The following CSRNP1 variants were observed in gnomAD, a reference collection of about 807,000 sequenced individuals.
CSRNP1 encodes the protein cysteine/serine-rich nuclear protein 1.
Under a neutral mutation model 25.0 loss-of-function variants are expected in CSRNP1, and 8 were observed. That is an observed-to-expected ratio of 0.32 (90% CI 0.19 to 0.58). The LOEUF (loss-of-function observed/expected upper bound fraction) is 0.58. CSRNP1 is among the 20% of genes least tolerant of loss of function. The pLI is 0.88. For missense variants in CSRNP1, 691 were observed against 773.1 expected (o/e 0.89, Z 1.26); for synonymous variants, 305 against 303.1 (o/e 1.01, Z -0.06).
At chr3:39,153,724 C>G (rs1202544791), upstream of CSRNP1, 2 of 151,808 alleles carry the variant, frequency 1.3e-5, no homozygotes, top group African/African-American at 4.8e-5. Flanking sequence ...GCCTCCTCCC[C>G]CGCCTGGAGC....
chr3:39,143,816 G>T lies in CSRNP1; in HGVS notation c.1009C>A (p.Pro337Thr). 6.2e-7 allele frequency: 1 copy of T among 1,614,236 alleles called. No homozygotes were observed. The highest frequency in any genetic ancestry group is 8.5e-7 in the Non-Finnish European group (1 of 1,180,026). The change falls in exon 5 of 5, where the codon CCC becomes ACC. Residue 337 changes from proline (P) to threonine (T), a missense_variant. Physicochemically the swap from Pro to Thr is conservative, Grantham distance 38. Transcript: ENST00000273153. Reference sequence around the variant, plus strand: ...TCTCCCAGCTCATTGTTCATGGGGGGCTTGGCCAGTGGGAAAGTAGGGACC... The same window carrying T: ...TCTCCCAGCTCATTGTTCATGGGGGTCTTGGCCAGTGGGAAAGTAGGGACC... ...ALVPTFPLAK[P>T]PMNNELGDNS...
At position 39,143,933 on chromosome 3, in the gene CSRNP1, T is replaced by C. The variant is rs151312697; in HGVS notation, c.892A>G (p.Thr298Ala). 3.3e-5 allele frequency: 54 copies of C among 1,613,806 alleles called. No individual in the cohort carries two copies. The African/African-American group carries it at 4.9e-4, about 15-fold the overall frequency. The stretch of plus-strand genomic sequence containing the variant: ...GCCTCCTGTTCCAACTGCAGGCGGG[T>C]GAGTGTGTGGATGAAATGGGTCTGA... ...RVQTHFIHTL[T>A]RLQLEQEAES... The change falls in exon 5 of 5, where the codon ACC (threonine) becomes GCC (alanine). Residue 298 changes from threonine (T) to alanine (A), a missense_variant. Coordinates refer to ENST00000273153, the MANE Select transcript of CSRNP1 (RefSeq NM_033027.4).
intron 1 of CSRNP1, chr3:39,150,692 GAT>G (rs951818290): frequency 1.6e-4 from 24 of 152,348 alleles, no homozygotes; most frequent in African/African-American, 5.8e-4. Flanking sequence ...GATGGAGAGA[GAT>G]GTCAGGAAAG....
chr3:39,148,069 A>T (rs969269871), intron 1 of CSRNP1, among the ~76,000 whole-genome samples: 2 of 152,150 alleles, frequency 1.3e-5, no homozygotes, highest in African/African-American at 4.8e-5. Context: ...AATCCTGTAG[A>T]GTTTGCTGTC....
chr3:39,149,409 T>A, intron 1 of CSRNP1: 1 of 152,200 alleles, frequency 6.6e-6, no homozygotes, highest in Admixed American at 6.5e-5. Context: ...TGTCTAAAAT[T>A]GTAAAAATTC....
Position 39,144,442 on chromosome 3 carries a change from C to G in CSRNP1, c.475G>C (p.Ala159Pro). Residue 159 changes from alanine to proline, a missense_variant, in exon 4 of 5, where the codon GCT (alanine) becomes CCT (proline). Transcript: ENST00000273153. ...LEMLQWKLSA[A>P]GVPQAEAGLP... ...CCTGCCTCTGCCTGGGGTACCCCAG[C>G]TGCCGAAAGCTGCATCCACAGGAAA... 6.2e-7 allele frequency: 1 copy of G among 1,600,942 alleles called. No individual in the cohort carries two copies. The highest frequency in any genetic ancestry group is 8.5e-7 in the Non-Finnish European group (1 of 1,173,148).
Position 39,153,450 on chromosome 3 carries a change from C to T in CSRNP1, c.-53G>A, listed in dbSNP as rs984024076. On this transcript the variant is annotated 5_prime_UTR_variant, in exon 1 of 5. Transcript: ENST00000273153. Reference sequence around the variant, plus strand: ...CCTCGGCGCTCACCTGCAATCCGGACGCTCGCGGAGGACAACGACGCGACC... The same window carrying T: ...CCTCGGCGCTCACCTGCAATCCGGATGCTCGCGGAGGACAACGACGCGACC... The T allele has an allele frequency of 2.4e-5, 8 of 331,272 alleles. No homozygotes were observed. Among genetic ancestry groups the T allele is most frequent in the East Asian group, 1.6e-4 (1 of 6,084 alleles). The allele number at this position is 331,272 out of a possible 1,614,324, so 20.5% of individuals were successfully genotyped here.
chr3:39,149,453 CATTTT>C (rs1197088420), intron 1 of CSRNP1: 3 of 152,190 alleles, frequency 2.0e-5, no homozygotes, highest in African/African-American at 4.8e-5. Flanking sequence ...TATACTTACG[CATTTT>C]ATTTAGGTTA....
At chr3:39,150,528 A>G (rs2039566243) in intron 1 of CSRNP1, 1 of 152,218 alleles carries the variant, frequency 6.6e-6, no homozygotes, top group African/African-American at 2.4e-5. Context: ...GCAGGAGGAG[A>G]GTCACATGTC....
In CSRNP1 at chr3:39,146,638, G is replaced by C. The variant is rs1281121233; in HGVS notation, c.45C>G (p.Asp15Glu). 2.5e-6 allele frequency: 4 copies of C among 1,572,144 alleles called. No homozygotes were observed. The South Asian group carries it at 3.5e-5, about 14-fold the overall frequency. Residue 15 changes from aspartate (D) to glutamate (E), a missense_variant, in exon 2 of 5, where the codon GAC becomes GAG. By Grantham distance (45) the Asp-to-Glu change is conservative. Transcript: ENST00000273153. ...AGGAGGAGGAGGAGACCGAGGAGTTGTCCTCATCCAGCTGGTCAAATTTCC... is the reference window on the plus strand; with the variant it reads ...AGGAGGAGGAGGAGACCGAGGAGTTCTCCTCATCCAGCTGGTCAAATTTCC... ...LKRKFDQLDE[D>E]NSSVSSSSSS...
intron 1 of CSRNP1, chr3:39,152,304 G>C (rs924149200): frequency 6.6e-6 from 1 of 152,512 alleles, no homozygotes; most frequent in East Asian, 1.9e-4. Flanking sequence ...GCTTTACCTC[G>C]AGGGCACGGC....
At chr3:39,144,091 A>G (rs745638523) in intron 4 of CSRNP1, 46 bp downstream of exon 4, 1 of 1,606,234 alleles carries the variant, frequency 6.2e-7, no homozygotes, top group Admixed American at 1.7e-5. Context: ...TGGAGTGCAA[A>G]GAAGTCCCCA....
Position 39,145,054 on chromosome 3 carries a change from C to T in CSRNP1, c.408G>A (p.Arg136=). The T allele has an allele frequency of 6.2e-7, 1 of 1,614,112 alleles. No individual in the cohort carries two copies. The highest frequency in any genetic ancestry group is 1.1e-5 in the South Asian group (1 of 91,076). The change falls in exon 3 of 5, where the codon CGG becomes CGA. Residue 136 remains arginine (R), a synonymous_variant. Transcript: ENST00000273153. The part of the protein sequence containing the change: ...AEFAQEQARA[R]HEKLRQRLKE... ...TCAAGCGCTGGCGGAGCTTCTCGTGCCGTGCACGGGCTTGCTCCTGCGCAA... is the reference window on the plus strand; with the variant it reads ...TCAAGCGCTGGCGGAGCTTCTCGTGTCGTGCACGGGCTTGCTCCTGCGCAA...
chr3:39,146,645 T>C lies in CSRNP1; in HGVS notation c.38A>G (p.Asp13Gly). 3 of 1,570,204 alleles carry C rather than the reference T, an allele frequency of 1.9e-6. No individual in the cohort carries two copies. Among genetic ancestry groups the C allele is most frequent in the South Asian group, 2.3e-5 (2 of 85,186 alleles). Residue 13 changes from aspartate to glycine, a missense_variant, in exon 2 of 5, where the codon GAT becomes GGT. Asp to Gly is a moderately conservative substitution (Grantham distance 94). Coordinates refer to ENST00000273153, the MANE Select transcript of CSRNP1 (RefSeq NM_033027.4). ...GLLKRKFDQL[D>G]EDNSSVSSSS... ...GGAGGAGACCGAGGAGTTGTCCTCA[T>C]CCAGCTGGTCAAATTTCCTCTTCAA... is the stretch of plus-strand genomic sequence containing the variant.
At position 39,144,288 on chromosome 3, in the gene CSRNP1, A is replaced by C. The variant is rs1442935032; in HGVS notation, c.629T>G (p.Leu210Arg). Reference sequence around the variant, plus strand: ...CCTTCGCACACCTGAAGCCCTCAGCAGAGCTCGACGTCGCCGGGCTGGGTA... The same window carrying C: ...CCTTCGCACACCTGAAGCCCTCAGCCGAGCTCGACGTCGCCGGGCTGGGTA... ...QPYPARRRRA[L>R]LRASGVRRID... Residue 210 changes from leucine to arginine, a missense_variant, in exon 4 of 5, where the codon CTG (leucine) becomes CGG (arginine). By Grantham distance (102) the Leu-to-Arg change is moderately radical. Coordinates refer to ENST00000273153, the MANE Select transcript of CSRNP1 (RefSeq NM_033027.4). The C allele has an allele frequency of 6.2e-7, 1 of 1,614,160 alleles. No homozygotes were observed. Among genetic ancestry groups the C allele is most frequent in the Non-Finnish European group, 8.5e-7 (1 of 1,180,010 alleles).
In CSRNP1 at chr3:39,144,226, G is replaced by A. The variant is rs377641112; in HGVS notation, c.691C>T (p.Arg231Cys). 3.7e-6 allele frequency: 6 copies of A among 1,614,018 alleles called. No homozygotes were observed. Among genetic ancestry groups the A allele is most frequent in the African/African-American group, 1.3e-5 (1 of 74,912 alleles). ...REEKRELQAL[R>C]QSREDCGCHC... Reference sequence around the variant, plus strand: ...CAGCCACAATCCTCCCGGGATTGGCGCAGTGCCTGCAGCTCCCGCTTCTCC... The same window carrying A: ...CAGCCACAATCCTCCCGGGATTGGCACAGTGCCTGCAGCTCCCGCTTCTCC... Residue 231 changes from arginine to cysteine, a missense_variant, in exon 4 of 5, where the codon CGC becomes TGC. Transcript: ENST00000273153.
In CSRNP1 at chr3:39,143,583, C is replaced by T. The variant is rs1419365428; in HGVS notation, c.1242G>A (p.Val414=). The T allele has an allele frequency of 6.2e-7, 1 of 1,614,094 alleles. No homozygotes were observed. Among genetic ancestry groups the T allele is most frequent in the African/African-American group, 1.3e-5 (1 of 74,938 alleles). Residue 414 remains valine (V), a synonymous_variant, in exon 5 of 5, where the codon GTG becomes GTA. Coordinates refer to ENST00000273153, the MANE Select transcript of CSRNP1 (RefSeq NM_033027.4). ...AGCAGCTGAGGTTGTCCAGGTTCCCCACGCTCCCTTCCTCCTCTTCCTCCT... is the reference window on the plus strand; with the variant it reads ...AGCAGCTGAGGTTGTCCAGGTTCCCTACGCTCCCTTCCTCCTCTTCCTCCT... ...GEEEEEEEGS[V]GNLDNLSCFH... is the part of the protein sequence containing the mutation.
chr3:39,146,569 A>G lies in CSRNP1; in HGVS notation c.114T>C (p.Ser38=). 1 of 1,556,160 alleles carries G rather than the reference A, an allele frequency of 6.4e-7. No individual in the cohort carries two copies. Among genetic ancestry groups the G allele is most frequent in the Non-Finnish European group, 8.7e-7 (1 of 1,149,438 alleles). Residue 38 remains serine, a synonymous_variant, in exon 2 of 5, where the codon TCT becomes TCC. Coordinates refer to ENST00000273153, the MANE Select transcript of CSRNP1 (RefSeq NM_033027.4). Reference sequence around the variant, plus strand: ...CCTCTGAGTCCCAGGCACGGGAGACAGAAGAGCTTGGGGAGCAGGAGCGAG... The same window carrying G: ...CCTCTGAGTCCCAGGCACGGGAGACGGAAGAGCTTGGGGAGCAGGAGCGAG... ...CQSRSCSPSS[S]VSRAWDSEEE...
rs1331233254 is a variant in CSRNP1, at chr3:39,144,363, G to T, written c.554C>A (p.Ala185Glu). 1.2e-6 allele frequency: 2 copies of T among 1,614,074 alleles called. No individual in the cohort carries two copies. The highest frequency in any genetic ancestry group is 2.2e-5 in the East Asian group (1 of 44,876). Residue 185 changes from alanine to glutamate, a missense_variant, in exon 4 of 5, where the codon GCA (alanine) becomes GAA (glutamate). Ala to Glu is a moderately radical substitution (Grantham distance 107). Transcript: ENST00000273153. ...CAACCGGCCACCTGCCACAGCGACTGCCAAGTCCTCCTCCACAGAGGCGTC... is the reference window on the plus strand; with the variant it reads ...CAACCGGCCACCTGCCACAGCGACTTCCAAGTCCTCCTCCACAGAGGCGTC... ...IDDASVEEDL[A>E]VAVAGGRLEE...
Sources: gnomAD v4.1 joint callset for allele counts (sites outside exome capture counted in the v4.1 genomes callset) on GRCh38, gnomAD v4.1.1 for gene constraint, MANE v1.5 for transcripts, NCBI Gene and HGNC (gene_info 2026-07-23, HGNC 2026-07-21) for gene names.